The following POLE2 variants were observed in gnomAD, a reference collection of about 807,000 sequenced individuals.
The protein encoded by POLE2 is DNA polymerase epsilon subunit 2.
In POLE2, 56 loss-of-function variants were observed where a neutral mutation model predicts 79.4. That is an observed-to-expected ratio of 0.71 (90% CI 0.57 to 0.88). POLE2 has a LOEUF of 0.88. Ranked by LOEUF, POLE2 falls within the 40% of genes least tolerant of loss-of-function variation. The pLI is 0.00. For missense variants in POLE2, 598 were observed against 638.9 expected (o/e 0.94, Z 0.69); for synonymous variants, 212 against 214.0 (o/e 0.99, Z 0.08).
At chr14:49,669,302 C>T (rs563825018) in intron 6 of POLE2, among the ~76,000 whole-genome samples, 10 of 152,290 alleles carry the variant, frequency 6.6e-5, no homozygotes, top group African/African-American at 1.9e-4. Context: ...GGGCTAGCAT[C>T]GTATCAGGGC....
chr14:49,686,589 T>C (rs948225480), intron 1 of POLE2, among the ~76,000 whole-genome samples: 6 of 152,196 alleles, frequency 3.9e-5, no homozygotes, highest in African/African-American at 1.4e-4. Flanking sequence ...ATGTGTACTG[T>C]TTTAGCCTTT....
chr14:49,654,555 G>T, intron 13 of POLE2: 1 of 473,634 alleles, frequency 2.1e-6, no homozygotes, highest in Non-Finnish European at 3.6e-6. Context: ...TAAGAGTAAT[G>T]CCACGAAGAA....
intron 3 of POLE2, among the ~76,000 whole-genome samples, chr14:49,679,164 G>A (rs1886518588): frequency 1.3e-5 from 2 of 151,614 alleles, no homozygotes; most frequent in African/African-American, 4.9e-5. Context: ...ATTTTCCCCA[G>A]TGTTTTCCTT....
At chr14:49,665,488 A>C (rs1326631725) in intron 7 of POLE2, among the ~76,000 whole-genome samples, 1 of 152,140 alleles carries the variant, frequency 6.6e-6, no homozygotes, top group African/African-American at 2.4e-5. Context: ...AGGGACCAGG[A>C]CATACTCTGC....
chr14:49,653,834 G>C, intron 15 of POLE2, 156 bp downstream of exon 15: 1 of 553,784 alleles, frequency 1.8e-6, no homozygotes, highest in Non-Finnish European at 3.3e-6. Flanking sequence ...TTTTTGTAGA[G>C]ATGGGTTTCA....
intron 3 of POLE2, 124 bp downstream of exon 3, chr14:49,679,601 C>A: frequency 3.6e-6 from 2 of 550,008 alleles, no homozygotes; most frequent in Non-Finnish European, 6.6e-6. Flanking sequence ...TAAAAAGACA[C>A]ACAGAAATAA....
chr14:49,659,635 T>C (rs1029007711), intron 10 of POLE2, among the ~76,000 whole-genome samples: 3 of 152,210 alleles, frequency 2.0e-5, no homozygotes, highest in Non-Finnish European at 4.4e-5. Flanking sequence ...GGCTGAAGTA[T>C]AGTGGCACAA....
intron 3 of POLE2, 39 bp downstream of exon 3, chr14:49,679,686 C>A: frequency 9.8e-7 from 1 of 1,017,568 alleles, no homozygotes; most frequent in East Asian, 2.4e-5. Context: ...TGCTCAATAA[C>A]ACCTCCAAGG....
chr14:49,682,256 C>T (rs1322538995), intron 2 of POLE2, among the ~76,000 whole-genome samples: 1 of 151,646 alleles, frequency 6.6e-6, no homozygotes, highest in East Asian at 2.0e-4. Flanking sequence ...CCACCAGCCT[C>T]GGCCTCCCAA....
chr14:49,652,793 T>G (rs749076833), intron 15 of POLE2, among the ~76,000 whole-genome samples: 12 of 151,948 alleles, frequency 7.9e-5, no homozygotes, highest in Non-Finnish European at 1.2e-4. Flanking sequence ...TATAATGTAA[T>G]AATAATAGAA....
intron 6 of POLE2, among the ~76,000 whole-genome samples, chr14:49,667,638 G>C (rs1170219113): frequency 6.7e-6 from 1 of 150,072 alleles, no homozygotes; most frequent in Non-Finnish European, 1.5e-5. Context: ...GCCTTAAACT[G>C]GGCTCAAGTG....
chr14:49,664,716 T>C (rs752058108), intron 8 of POLE2, 42 bp from the exon 9 acceptor site: 1 of 1,252,936 alleles, frequency 8.0e-7, no homozygotes, highest in Admixed American at 1.8e-5. Flanking sequence ...CTTGAGGCAG[T>C]AATAAAGTCA....
intron 2 of POLE2, among the ~76,000 whole-genome samples, chr14:49,681,605 C>A (rs981130255): frequency 5.9e-5 from 9 of 152,218 alleles, no homozygotes; most frequent in Admixed American, 1.3e-4. Context: ...GAAACCCTGT[C>A]TCTACCAAAA....
In POLE2 at chr14:49,647,363, T is replaced by C. The variant is rs372478555; in HGVS notation, c.1498-3A>G. 1.0e-5 allele frequency: 16 copies of C among 1,531,460 alleles called. No homozygotes were observed. In the African/African-American group the frequency reaches 1.4e-4, roughly 13 times the overall value. The allele number at this position is 1,531,460 out of a possible 1,614,324, so 94.9% of individuals were successfully genotyped here. ...AATCCACTTCTTGGAAAAGAGCCCT[T>C]TGGGGGAGAAAAATGCCTGTAAGTG... On this transcript the variant is annotated splice_polypyrimidine_tract_variant and splice_region_variant and intron_variant, in intron 17 of 18. Transcript: ENST00000216367.
intron 3 of POLE2, among the ~76,000 whole-genome samples, chr14:49,678,398 G>A (rs531758722): frequency 1.7e-4 from 26 of 152,194 alleles, no homozygotes; most frequent in Middle Eastern, 3.4e-3. Context: ...AAACTGATGC[G>A]ATATGGTACA....
intron 5 of POLE2, among the ~76,000 whole-genome samples, chr14:49,672,511 T>G (rs1885969093): frequency 6.6e-6 from 1 of 151,916 alleles, no homozygotes; most frequent in Non-Finnish European, 1.5e-5. Flanking sequence ...CTTTTTTTTT[T>G]TTTTTGAGAC....
chr14:49,663,133 C>A (rs943185150), intron 10 of POLE2, among the ~76,000 whole-genome samples, 182 bp downstream of exon 10: 2 of 152,148 alleles, frequency 1.3e-5, no homozygotes, highest in African/African-American at 4.8e-5. Context: ...AATTGTTGGC[C>A]AATCTGCTAG....
In POLE2 at chr14:49,654,992, A is replaced by G. The variant is rs1470958581; in HGVS notation, c.1018+13T>C. ...ACTATAGAAACACTTCTTATTAAAT[A>G]GATCGTTAATACCTTTCAAAGCTTG... On this transcript the variant is annotated intron_variant, in intron 12 of 18. Transcript: ENST00000216367. 2.0e-6 allele frequency: 3 copies of G among 1,500,256 alleles called. No homozygotes were observed. The South Asian group carries it at 3.9e-5, about 19-fold the overall frequency. 92.9% of individuals were successfully genotyped at this position (1,500,256 alleles called of 1,614,324 possible). A position where few individuals can be genotyped will look rare whatever the true frequency, so the allele number is the denominator to read the frequency against.
chr14:49,650,232 ATAAT>A, intron 17 of POLE2, 29 bp downstream of exon 17: 1 of 1,184,236 alleles, frequency 8.4e-7, no homozygotes, highest in Non-Finnish European at 1.2e-6. Flanking sequence ...ATCTTGATAA[ATAAT>A]GACTATATAA....
Sources: gnomAD v4.1 joint callset for allele counts (sites outside exome capture counted in the v4.1 genomes callset) on GRCh38, gnomAD v4.1.1 for gene constraint, MANE v1.5 for transcripts, NCBI Gene and HGNC (gene_info 2026-07-23, HGNC 2026-07-21) for gene names.